The following LTBP1 variants were observed in gnomAD, a reference collection of about 807,000 sequenced individuals.
LTBP1 encodes the protein latent transforming growth factor beta binding protein 1, also known as latent-transforming growth factor beta-binding protein 1.
Under a neutral mutation model 207.6 loss-of-function variants are expected in LTBP1, and 129 were observed. The observed-to-expected ratio is 0.62, with a 90% confidence interval of 0.54 to 0.72. The LOEUF (loss-of-function observed/expected upper bound fraction) is 0.72. LTBP1 is among the 30% of genes least tolerant of loss of function. The pLI, the probability that LTBP1 is intolerant of heterozygous loss-of-function variation, is 0.00. For missense variants in LTBP1, 2,281 were observed against 2,217.2 expected, an observed-to-expected ratio of 1.03 and a Z score of -0.58; for synonymous variants, 963 against 833.7, an observed-to-expected ratio of 1.16 and a Z score of -2.67.
At chr2:33,354,895 C>A (rs1038290874) in intron 26 of LTBP1, among the ~76,000 whole-genome samples, 6 of 152,150 alleles carry the variant, frequency 3.9e-5, no homozygotes, top group African/African-American at 1.4e-4. Flanking sequence ...CCCACGCCAC[C>A]ATGCACAGCT....
chr2:33,174,076 T>C (rs2085758484), intron 5 of LTBP1, among the ~76,000 whole-genome samples: 1 of 146,346 alleles, frequency 6.8e-6, no homozygotes, highest in African/African-American at 2.5e-5. Flanking sequence ...ACTGGAAGCA[T>C]TCCCTTTGAA....
At chr2:33,014,810 C>T (rs1688145964) in intron 2 of LTBP1, among the ~76,000 whole-genome samples, 1 of 152,150 alleles carries the variant, frequency 6.6e-6, no homozygotes, top group Admixed American at 6.5e-5. Flanking sequence ...ACTTGGCGCA[C>T]AGATTGAGAA....
rs575328272 is a variant in LTBP1, at chr2:33,388,374, A to G, written c.4712-810A>G. Among the ~76,000 whole-genome samples, 322 of 152,286 alleles carry G rather than the reference A, an allele frequency of 2.1e-3. 2 individuals are homozygous for G. Among genetic ancestry groups the G allele is most frequent in the African/African-American group, 7.4e-3 (307 of 41,566 alleles). ...AGCTGAGATCATTGCAGGGGAGACA[A>G]ATGTGAAAACTGTACACTCTGGAGC... On this transcript the variant is annotated intron_variant, in intron 31 of 33. Coordinates refer to ENST00000404816, the MANE Select transcript of LTBP1 (RefSeq NM_206943.4).
At chr2:33,031,110 C>T (rs183238988) in intron 3 of LTBP1, among the ~76,000 whole-genome samples, 1 of 151,946 alleles carries the variant, frequency 6.6e-6, no homozygotes, top group African/African-American at 2.4e-5. Context: ...TTTTTATGCT[C>T]AAATTTGGAA....
intron 24 of LTBP1, among the ~76,000 whole-genome samples, chr2:33,324,535 T>C (rs1208370362): frequency 6.6e-6 from 1 of 152,038 alleles, no homozygotes; most frequent in Non-Finnish European, 1.5e-5. Flanking sequence ...GGTTTCCTTA[T>C]TATGTGAGCA....
chr2:33,033,311 C>G (rs144139524), intron 3 of LTBP1, among the ~76,000 whole-genome samples: 1,971 of 151,860 alleles, frequency 0.013, 22 homozygotes, highest in Middle Eastern at 0.054. Flanking sequence ...GATATTTTAT[C>G]TGTTCAGTCA....
rs747806949 is a variant in LTBP1, at chr2:33,320,990, C to G, written c.3730+5721C>G. 7.9e-5 allele frequency among the ~76,000 whole-genome samples: 12 copies of G among 151,974 alleles called. No homozygotes were observed. The Middle Eastern group carries it at 0.01, about 129-fold the overall frequency. ...TTTTATTGGAAAGGAAAAATGAAAA[C>G]CTTTCATTTTATTAATAATTCTATA... On this transcript the variant is annotated intron_variant, in intron 24 of 33. Coordinates refer to ENST00000404816, the MANE Select transcript of LTBP1 (RefSeq NM_206943.4).
At chr2:33,230,223 T>G (rs565264658) in intron 9 of LTBP1, among the ~76,000 whole-genome samples, 53 of 152,302 alleles carry the variant, frequency 3.5e-4, no homozygotes, top group South Asian at 1.0e-3. Context: ...ATTAAAGTGG[T>G]TAATAACTAG....
chr2:33,034,294 AAG>A (rs1343990990), intron 3 of LTBP1, among the ~76,000 whole-genome samples: 3 of 152,122 alleles, frequency 2.0e-5, no homozygotes, highest in African/African-American at 7.2e-5. Flanking sequence ...GCAAATGAAA[AAG>A]AATACTGAAA....
chr2:33,062,678 A>G (rs1482482244), intron 3 of LTBP1, among the ~76,000 whole-genome samples: 1 of 152,222 alleles, frequency 6.6e-6, no homozygotes, highest in Non-Finnish European at 1.5e-5. Context: ...ATGCTAGTAC[A>G]GTAATCGCCT....
At chr2:32,985,905 T>G (rs1416807631) in intron 2 of LTBP1, among the ~76,000 whole-genome samples, 1 of 152,118 alleles carries the variant, frequency 6.6e-6, no homozygotes, top group East Asian at 1.9e-4. Context: ...GGCTTCTGAT[T>G]GGCTTCTTTC....
chr2:33,061,667 T>A (rs2077277221), intron 3 of LTBP1, among the ~76,000 whole-genome samples: 1 of 152,194 alleles, frequency 6.6e-6, no homozygotes, highest in Non-Finnish European at 1.5e-5. Context: ...TAGGTAGTAT[T>A]CCATTGTATA....
At chr2:33,143,033 T>C (rs2082755405) in intron 5 of LTBP1, among the ~76,000 whole-genome samples, 1 of 152,180 alleles carries the variant, frequency 6.6e-6, no homozygotes, top group Non-Finnish European at 1.5e-5. Context: ...CTGCCCCTTC[T>C]TCCACCCCAA....
intron 16 of LTBP1, 112 bp from the exon 17 acceptor site, chr2:33,274,853 G>A (rs1227881687): frequency 1.0e-6 from 1 of 1,003,266 alleles, no homozygotes; most frequent in African/African-American, 1.6e-5. Context: ...GTTGTCCTCA[G>A]TTATAAAGGT....
intron 3 of LTBP1, among the ~76,000 whole-genome samples, chr2:33,087,639 C>A (rs1027757812): frequency 6.6e-6 from 1 of 152,160 alleles, no homozygotes; most frequent in African/African-American, 2.4e-5. Flanking sequence ...CAGCTTCAAT[C>A]ATGGAAGAAA....
At chr2:33,239,123 G>A (rs2092193549) in intron 9 of LTBP1, among the ~76,000 whole-genome samples, 1 of 152,210 alleles carries the variant, frequency 6.6e-6, no homozygotes, top group Admixed American at 6.5e-5. Flanking sequence ...CTTCATCTGT[G>A]AGCTGAAGTA....
intron 31 of LTBP1, among the ~76,000 whole-genome samples, chr2:33,384,646 G>T (rs1403397407): frequency 6.6e-6 from 1 of 152,228 alleles, no homozygotes; most frequent in African/African-American, 2.4e-5. Flanking sequence ...TCTAAGGACA[G>T]AAAATGTGTT....
intron 9 of LTBP1, among the ~76,000 whole-genome samples, chr2:33,237,298 T>C (rs1175498498): frequency 2.6e-5 from 4 of 152,220 alleles, no homozygotes; most frequent in Admixed American, 2.6e-4. Context: ...CTTATGTATA[T>C]AGAATAGGCA....
At chr2:33,196,667 A>C (rs2088607830) in intron 7 of LTBP1, among the ~76,000 whole-genome samples, 1 of 152,232 alleles carries the variant, frequency 6.6e-6, no homozygotes, top group Non-Finnish European at 1.5e-5. Flanking sequence ...AATGCTAAAT[A>C]AATGCTAACT....
Sources: gnomAD v4.1 joint callset for allele counts (sites outside exome capture counted in the v4.1 genomes callset) on GRCh38, gnomAD v4.1.1 for gene constraint, MANE v1.5 for transcripts, NCBI Gene and HGNC (gene_info 2026-07-23, HGNC 2026-07-21) for gene names.